The following CAPN8 variants were observed in gnomAD, a reference collection of about 807,000 sequenced individuals.
CAPN8 encodes calpain 8, also known as calpain-8.
A neutral mutation model predicts 80.9 loss-of-function variants in CAPN8; 87 were observed. The observed-to-expected ratio is 1.07, with a 90% CI of 0.90 to 1.28. The LOEUF is 1.28. Among genes scored for constraint, CAPN8 ranks in the 50% most tolerant of loss-of-function variants. CAPN8 has a pLI of 0.00. For synonymous variants in CAPN8, 299 were observed against 273.8 expected (o/e 1.09, Z -0.91); for missense variants, 757 against 702.0 (o/e 1.08, Z -0.89).
chr1:223,621,793 G>A (rs141593110), intron 7 of CAPN8, among the ~76,000 whole-genome samples: 22 of 152,204 alleles, frequency 1.4e-4, no homozygotes, highest in East Asian at 9.7e-4. Context: ...GATTAAGGAC[G>A]TATTGGGAGG....
At chr1:223,648,144 G>A (rs941722067) in intron 2 of CAPN8, among the ~76,000 whole-genome samples, 8 of 152,226 alleles carry the variant, frequency 5.3e-5, no homozygotes, top group Non-Finnish European at 1.0e-4. Flanking sequence ...GAGTAGAAAG[G>A]AGAGTGGTGT....
chr1:223,554,718 T>C (rs1286640987), intron 13 of CAPN8, among the ~76,000 whole-genome samples: 2 of 152,224 alleles, frequency 1.3e-5, no homozygotes, highest in African/African-American at 4.8e-5. Context: ...AATAGCAGAT[T>C]GTACCCTTAC....
Position 223,553,449 on chromosome 1 carries a change from T to C in CAPN8, c.1641+383A>G, listed in dbSNP as rs1003779796. On this transcript the variant is annotated intron_variant, in intron 14 of 20. Coordinates refer to ENST00000366872, the MANE Select transcript of CAPN8 (RefSeq NM_001143962.2). ...CCAGGTTAGCTGAGCTGCCTTCCAC[T>C]GCGGCTGGGCAATCCTCACTCTGAA... Among the ~76,000 whole-genome samples the C allele has an allele frequency of 3.8e-3, 585 of 152,302 alleles. 8 individuals carry two copies. The highest frequency in any genetic ancestry group is 0.013 in the African/African-American group (543 of 41,566).
At chr1:223,541,900 G>C in intron 20 of CAPN8, 41 bp from the exon 21 acceptor site, 1 of 1,551,362 alleles carries the variant, frequency 6.4e-7, no homozygotes, top group Non-Finnish European at 8.7e-7. Flanking sequence ...GGCTTCTCAG[G>C]GGCTGGTGTG....
chr1:223,635,430 C>T (rs1295946769), intron 2 of CAPN8, among the ~76,000 whole-genome samples: 1 of 152,214 alleles, frequency 6.6e-6, no homozygotes, highest in African/African-American at 2.4e-5. Flanking sequence ...AATCGACCCA[C>T]ACATTGACTT....
intron 15 of CAPN8, chr1:223,549,598 A>G: frequency 6.8e-6 from 5 of 730,722 alleles, no homozygotes; most frequent in Non-Finnish European, 1.2e-5. Flanking sequence ...CCAGCATCCA[A>G]GTACAGCATC....
intron 10 of CAPN8, among the ~76,000 whole-genome samples, chr1:223,613,527 C>T (rs1657089379): frequency 6.6e-6 from 1 of 152,230 alleles, no homozygotes; most frequent in African/African-American, 2.4e-5. Context: ...GCAGGTGGGG[C>T]CTCTTGGTGG....
intron 7 of CAPN8, among the ~76,000 whole-genome samples, chr1:223,621,949 T>C (rs1417789811): frequency 6.6e-6 from 1 of 151,958 alleles, no homozygotes; most frequent in Admixed American, 6.5e-5. Flanking sequence ...CTCCAACTCC[T>C]GGGTTCAAGC....
chr1:223,622,798 G>A lies in CAPN8; in HGVS notation c.899+17C>T, dbSNP rs978726414. ...CAGAGGGAGAGATGACTGGAGAAGC[G>A]GGGGAAAAAAACCTACTCATCGCTC... On this transcript the variant is annotated intron_variant, in intron 7 of 20. Transcript: ENST00000366872. 43 of 1,544,438 alleles carry A rather than the reference G, an allele frequency of 2.8e-5. No individual in the cohort carries two copies. Among genetic ancestry groups the A allele is most frequent in the African/African-American group, 5.5e-5 (4 of 72,820 alleles).
chr1:223,548,301 AAG>A (rs1352185334), intron 16 of CAPN8, among the ~76,000 whole-genome samples: 1 of 152,186 alleles, frequency 6.6e-6, no homozygotes, highest in African/African-American at 2.4e-5. Flanking sequence ...GCAAAGCTCT[AAG>A]GAAGTGATGT....
intron 2 of CAPN8, among the ~76,000 whole-genome samples, chr1:223,633,653 C>T (rs577935708): frequency 1.6e-4 from 25 of 152,104 alleles, no homozygotes; most frequent in Admixed American, 1.2e-3. Context: ...CAGAGCAAGG[C>T]GCCGCCTCAA....
chr1:223,544,678 A>G (rs754366556), intron 18 of CAPN8, 94 bp downstream of exon 18: 28 of 1,508,958 alleles, frequency 1.9e-5, no homozygotes, highest in Non-Finnish European at 2.4e-5. Context: ...AGAAAGCTAC[A>G]AATGATGATC....
intron 13 of CAPN8, among the ~76,000 whole-genome samples, chr1:223,555,461 T>C (rs937845223): frequency 0.91 from 138,471 of 152,248 alleles, 63,279 homozygotes; most frequent in Middle Eastern, 0.96. Flanking sequence ...TATGCTAATC[T>C]AAAAATACAT....
intron 2 of CAPN8, among the ~76,000 whole-genome samples, chr1:223,635,169 C>A (rs1486157169): frequency 6.6e-6 from 1 of 152,232 alleles, no homozygotes; most frequent in African/African-American, 2.4e-5. Flanking sequence ...CCTTAGCCTA[C>A]TCTTCCACAG....
At chr1:223,630,503 ATT>A (rs71572866) in intron 2 of CAPN8, among the ~76,000 whole-genome samples, 10 of 146,822 alleles carry the variant, frequency 6.8e-5, no homozygotes, top group South Asian at 2.2e-4. Flanking sequence ...TGCCTGGTTA[ATT>A]TTTTTTTTTT....
chr1:223,651,552 G>A (rs1658341830), intron 2 of CAPN8, among the ~76,000 whole-genome samples: 1 of 152,208 alleles, frequency 6.6e-6, no homozygotes, highest in African/African-American at 2.4e-5. Context: ...GGACAGTAGG[G>A]AGGAAGGGAC....
intron 20 of CAPN8, 85 bp from the exon 21 acceptor site, chr1:223,541,944 G>C: frequency 6.5e-7 from 1 of 1,546,074 alleles, no homozygotes. Context: ...CCTCACATGG[G>C]TGCGATCTTT....
At chr1:223,542,393 G>A (rs928057597) in intron 20 of CAPN8, among the ~76,000 whole-genome samples, 4 of 152,124 alleles carry the variant, frequency 2.6e-5, no homozygotes, top group African/African-American at 9.7e-5. Context: ...GAATCCACAG[G>A]TCTATTTCTA....
At position 223,665,452 on chromosome 1, in the gene CAPN8, T is replaced by A. The variant is rs368062552; in HGVS notation, c.195A>T (p.Pro65=). The part of the protein sequence containing the change: ...PSALGYKDLG[P]GSPQTQGIIW... ...TGATGCCTTGAGTTTGCGGAGAGCC[T>A]GGTCCAAGATCCTTGTAGCCCAAAG... The change falls in exon 1 of 21, where the codon CCA becomes CCT. Residue 65 remains proline (P), a synonymous_variant. Coordinates refer to ENST00000366872, the MANE Select transcript of CAPN8 (RefSeq NM_001143962.2). The A allele has an allele frequency of 1.4e-5, 21 of 1,551,990 alleles. No homozygotes were observed. The African/African-American group carries it at 2.7e-4, about 20-fold the overall frequency.
Sources: gnomAD v4.1 joint callset for allele counts (sites outside exome capture counted in the v4.1 genomes callset) on GRCh38, gnomAD v4.1.1 for gene constraint, MANE v1.5 for transcripts, NCBI Gene and HGNC (gene_info 2026-07-23, HGNC 2026-07-21) for gene names.